Variants in HFM1 observed in about 807,000 individuals in gnomAD.
The protein encoded by HFM1 is helicase for meiosis 1.
Under a neutral mutation model 192.1 loss-of-function variants are expected in HFM1, and 169 were observed. That is an observed-to-expected ratio of 0.88 (90% CI 0.78 to 1.00). The LOEUF (loss-of-function observed/expected upper bound fraction) is 1.00. Ranked by LOEUF, HFM1 falls within the 50% of genes least tolerant of loss-of-function variation. The pLI, the probability that HFM1 is intolerant of heterozygous loss-of-function variation, is 0.00. For synonymous variants in HFM1, 525 were observed against 537.8 expected (o/e 0.98, Z 0.33); for missense variants, 1,661 against 1,668.0 (o/e 1.00, Z 0.07).
At chr1:91,329,540 T>C (rs1653487089) in intron 20 of HFM1, 2 of 1,427,248 alleles carry the variant, frequency 1.4e-6, no homozygotes, top group Admixed American at 2.2e-5. Context: ...CCATTATACC[T>C]CCTTGACACC....
chr1:91,309,005 G>T (rs777777133), intron 30 of HFM1, among the ~76,000 whole-genome samples: 1 of 152,182 alleles, frequency 6.6e-6, no homozygotes, highest in Non-Finnish European at 1.5e-5. Context: ...CATAGTTGTA[G>T]CTGTGGAAGC....
At chr1:91,277,570 AATATATAT>A (rs1666954750) in intron 30 of HFM1, among the ~76,000 whole-genome samples, 1 of 11,452 alleles carries the variant, frequency 8.7e-5, no homozygotes, top group Admixed American at 1.4e-3. Context: ...AAATATGTAT[AATATATAT>A]ACTTTATATA....
At chr1:91,329,456 A>G in intron 20 of HFM1, 1 of 1,569,418 alleles carries the variant, frequency 6.4e-7, no homozygotes, top group Non-Finnish European at 8.7e-7. Context: ...AGCCAGAATC[A>G]AAGGGATCCA....
intron 20 of HFM1, chr1:91,328,332 C>G (rs560208187): frequency 6.7e-7 from 1 of 1,497,682 alleles, no homozygotes; most frequent in Non-Finnish European, 9.0e-7. Flanking sequence ...AAGCTTTAGC[C>G]GCCGAGGCCT....
chr1:91,364,204 A>G (rs1054276079), intron 13 of HFM1, among the ~76,000 whole-genome samples: 4 of 152,068 alleles, frequency 2.6e-5, no homozygotes, highest in African/African-American at 9.7e-5. Context: ...AAAAAAAAAC[A>G]TAAGAATGGC....
At chr1:91,275,364 G>A (rs1666713013) in intron 32 of HFM1, among the ~76,000 whole-genome samples, 1 of 152,082 alleles carries the variant, frequency 6.6e-6, no homozygotes, top group African/African-American at 2.4e-5. Context: ...ATTTATTCCT[G>A]TGGCTTCAAT....
At chr1:91,378,542 G>C in intron 9 of HFM1, 62 bp from the exon 10 acceptor site, 1 of 1,010,750 alleles carries the variant, frequency 9.9e-7, no homozygotes. Context: ...TAAATATTAA[G>C]ATATCAAAAA....
intron 1 of HFM1, 99 bp downstream of exon 1, chr1:91,404,699 C>A: frequency 2.6e-6 from 1 of 377,770 alleles, no homozygotes. Context: ...CTCTAGAGAT[C>A]GACCGCTGCC....
intron 20 of HFM1, among the ~76,000 whole-genome samples, 200 bp downstream of exon 20, chr1:91,343,230 C>CAAAAAAAAA (rs34902756): frequency 1.3e-5 from 1 of 74,872 alleles, no homozygotes; most frequent in Non-Finnish European, 2.3e-5. Flanking sequence ...GACTCTGTCT[C>CAAAAAAAAA]AAAAAAAAAA....
Position 91,380,139 on chromosome 1 carries a change from A to T in HFM1, c.971T>A (p.Val324Glu). The T allele has an allele frequency of 6.8e-7, 1 of 1,462,644 alleles. No homozygotes were observed. The highest frequency in any genetic ancestry group is 9.4e-7 in the Non-Finnish European group (1 of 1,061,628). The allele number at this position is 1,462,644 out of a possible 1,614,324, so 90.6% of individuals were successfully genotyped here. A position where few individuals can be genotyped will look rare whatever the true frequency, so the allele number is the denominator to read the frequency against. ...ELAITRLLMEVPLPWLNIKIV... is the reference protein window; with the variant it reads ...ELAITRLLMEEPLPWLNIKIV... ...TTTAATATTCAACCATGGCAATGGT[A>T]CTTCCATTAACAATCTTGTTATAGC... Residue 324 changes from valine (V) to glutamate (E), a missense_variant, in exon 8 of 39, where the codon GTA becomes GAA. By Grantham distance (121) the Val-to-Glu change is moderately radical. Transcript: ENST00000370425.
chr1:91,307,739 C>A (rs10923007), intron 30 of HFM1, among the ~76,000 whole-genome samples: 45,033 of 152,124 alleles, frequency 0.3, 6,965 homozygotes, highest in Non-Finnish European at 0.34. Flanking sequence ...TAGGCATGAG[C>A]CACTAAGCCT....
chr1:91,324,655 T>C lies in HFM1; in HGVS notation c.2427+20A>G, dbSNP rs1557851501. ...ATACTATACCACTATGTATTTTTTT[T>C]CTAGTGAAAATTAATTTACCAGATC... On this transcript the variant is annotated intron_variant, in intron 21 of 38. Coordinates refer to ENST00000370425, the MANE Select transcript of HFM1 (RefSeq NM_001017975.6). 9.2e-7 allele frequency: 1 copy of C among 1,090,426 alleles called. No individual in the cohort carries two copies. Among genetic ancestry groups the C allele is most frequent in the South Asian group, 1.3e-5 (1 of 77,856 alleles). The allele number at this position is 1,090,426 out of a possible 1,614,324, so 67.5% of individuals were successfully genotyped here. A position where few individuals can be genotyped will look rare whatever the true frequency, so the allele number is the denominator to read the frequency against.
Position 91,262,251 on chromosome 1 carries a change from C to T in HFM1, c.4228G>A (p.Val1410Ile). Residue 1410 changes from valine to isoleucine, a missense_variant, in exon 38 of 39, where the codon GTT becomes ATT. By Grantham distance (29) the Val-to-Ile change is conservative. Coordinates refer to ENST00000370425, the MANE Select transcript of HFM1 (RefSeq NM_001017975.6). ...FIRNSECKKE[V>I]DFSMYHPDDE... Reference sequence around the variant, plus strand: ...TTAAAGAGTTCTTACCTGAAATCAACTTCCTTTTTACATTCACTGTTTCTA... The same window carrying T: ...TTAAAGAGTTCTTACCTGAAATCAATTTCCTTTTTACATTCACTGTTTCTA... The T allele has an allele frequency of 7.3e-7, 1 of 1,370,910 alleles. No homozygotes were observed. The highest frequency in any genetic ancestry group is 2.3e-5 in the East Asian group (1 of 43,020). 84.9% of individuals were successfully genotyped at this position (1,370,910 alleles called of 1,614,324 possible). A position where few individuals can be genotyped will look rare whatever the true frequency, so the allele number is the denominator to read the frequency against.
Position 91,313,256 on chromosome 1 carries a change from C to T in HFM1, c.3391+93G>A, listed in dbSNP as rs41286779. 5.4e-3 allele frequency: 3,365 copies of T among 621,608 alleles called. 22 individuals are homozygous for T. Among genetic ancestry groups the T allele is most frequent in the Non-Finnish European group, 7.1e-3 (2,632 of 368,760 alleles). The allele number at this position is 621,608 out of a possible 1,614,324, so 38.5% of individuals were successfully genotyped here. On this transcript the variant is annotated intron_variant, in intron 30 of 38. Transcript: ENST00000370425. Reference sequence around the variant, plus strand: ...CTTAAATATCTTATTCCAGAGTATCCTCAATCTGAGTGTTGCAGTACTATA... The same window carrying T: ...CTTAAATATCTTATTCCAGAGTATCTTCAATCTGAGTGTTGCAGTACTATA...
intron 30 of HFM1, among the ~76,000 whole-genome samples, chr1:91,312,391 C>T (rs1169554665): frequency 6.6e-6 from 1 of 152,180 alleles, no homozygotes; most frequent in African/African-American, 2.4e-5. Context: ...ACCATGGGAA[C>T]TCACCTCTTG....
chr1:91,317,557 C>T (rs150582795), intron 25 of HFM1, among the ~76,000 whole-genome samples: 42 of 152,252 alleles, frequency 2.8e-4, no homozygotes, highest in African/African-American at 9.2e-4. Flanking sequence ...ATAGAAGACA[C>T]GGAACAGTAT....
chr1:91,265,491 C>A (rs944438545), intron 36 of HFM1, among the ~76,000 whole-genome samples: 1 of 123,602 alleles, frequency 8.1e-6, no homozygotes, highest in African/African-American at 3.2e-5. Flanking sequence ...CCCACCAAAT[C>A]TTGAAGGTAT....
intron 19 of HFM1, among the ~76,000 whole-genome samples, chr1:91,344,655 A>G (rs560945840): frequency 0.039 from 146 of 3,764 alleles, no homozygotes; most frequent in Non-Finnish European, 0.059. Flanking sequence ...GAACCTATAT[A>G]GAATGACTGT....
Position 91,313,341 on chromosome 1 carries a change from C to T in HFM1, c.3391+8G>A. 1 of 1,514,128 alleles carries T rather than the reference C, an allele frequency of 6.6e-7. No individual in the cohort carries two copies. The highest frequency in any genetic ancestry group is 9.1e-7 in the Non-Finnish European group (1 of 1,100,982). The allele number at this position is 1,514,128 out of a possible 1,614,324, so 93.8% of individuals were successfully genotyped here. ...TAATATAAAATAGGAATTAATACAG[C>T]TATTTACCTTTATTAGGTCCTGCTA... On this transcript the variant is annotated splice_region_variant and intron_variant, in intron 30 of 38. Coordinates refer to ENST00000370425, the MANE Select transcript of HFM1 (RefSeq NM_001017975.6).
Sources: allele counts gnomAD v4.1 joint callset (sites outside exome capture counted in the v4.1 genomes callset), GRCh38; gene constraint gnomAD v4.1.1; transcripts MANE v1.5; gene names NCBI Gene and HGNC (gene_info 2026-07-23, HGNC 2026-07-21).